The following CCNA2 variants were observed in gnomAD, a reference collection of about 807,000 sequenced individuals.
The protein encoded by CCNA2 is cyclin-A2.
A neutral mutation model predicts 49.4 loss-of-function variants in CCNA2; 3 were observed. The ratio of observed to expected loss-of-function variants is 0.06; its 90% CI spans 0.03 to 0.16. The LOEUF (loss-of-function observed/expected upper bound fraction) is 0.16, where lower values mean the gene tolerates loss of function less well. Ranked by LOEUF, CCNA2 falls within the 10% of genes least tolerant of loss-of-function variation. The pLI is 1.00. For synonymous variants in CCNA2, 206 were observed against 197.2 expected (o/e 1.04, Z -0.37); for missense variants, 372 against 519.7 (o/e 0.72, Z 2.76).
Position 121,820,510 on chromosome 4 carries a change from G to A in CCNA2, c.794+32C>T. ...ATTTCTTCCCTAGACAAAAGGTCGT[G>A]ATCACTTTTAAACAAACCAAGGTAG... On this transcript the variant is annotated intron_variant, in intron 4 of 7. Coordinates refer to ENST00000274026, the MANE Select transcript of CCNA2 (RefSeq NM_001237.5). The surrounding 1 kb of genome is among the most constrained non-coding windows in gnomAD (Gnocchi z 4.1). The A allele has an allele frequency of 6.7e-7, 1 of 1,491,818 alleles. No individual in the cohort carries two copies. The highest frequency in any genetic ancestry group is 9.2e-7 in the Non-Finnish European group (1 of 1,083,670). 92.4% of individuals were successfully genotyped at this position (1,491,818 alleles called of 1,614,324 possible).
intron 6 of CCNA2, 141 bp from the exon 7 acceptor site, chr4:121,818,318 TC>T: frequency 1.3e-6 from 1 of 753,822 alleles, no homozygotes; most frequent in Non-Finnish European, 2.2e-6. Flanking sequence ...AGGCCATTAT[TC>T]CATCCCTCGA....
At position 121,822,527 on chromosome 4, in the gene CCNA2, C is replaced by T. The variant is rs202158297; in HGVS notation, c.333G>A (p.Gln111=). ...TTTTTTGAGATTCAGCTGGCTTCTTCTGAGCTTCTTTTTCTGCTTCATCCA... is the reference window on the plus strand; with the variant it reads ...TTTTTTGAGATTCAGCTGGCTTCTTTTGAGCTTCTTTTTCTGCTTCATCCA... ...IHVDEAEKEA[Q]KKPAESQKIE... is the part of the protein sequence containing the mutation. Residue 111 remains glutamine (Q), a synonymous_variant, in exon 2 of 8, where the codon CAG becomes CAA. Coordinates refer to ENST00000274026, the MANE Select transcript of CCNA2 (RefSeq NM_001237.5). 5.0e-6 allele frequency: 8 copies of T among 1,614,128 alleles called. No individual in the cohort carries two copies. The Admixed American group carries it at 1.0e-4, about 20-fold the overall frequency.
Position 121,816,590 on chromosome 4 carries a change from T to C in CCNA2, c.*1048A>G. On this transcript the variant is annotated 3_prime_UTR_variant, in exon 8 of 8. Coordinates refer to ENST00000274026, the MANE Select transcript of CCNA2 (RefSeq NM_001237.5). ...CATTAGAGATCCATCTGTTCTGTGA[T>C]TTTTTTACCTTGTGATTTATAAAAA... 2.5e-6 allele frequency: 2 copies of C among 813,096 alleles called. No homozygotes were observed. The highest frequency in any genetic ancestry group is 3.7e-6 in the Non-Finnish European group (2 of 535,348). 50.4% of individuals were successfully genotyped at this position (813,096 alleles called of 1,614,324 possible).
Position 121,818,038 on chromosome 4 carries a change from TCTTA to T in CCNA2, c.1250+2_1250+5del, listed in dbSNP as rs1560631202. Reference sequence around the variant, plus strand: ...AGTAAGCTTCAATATCCAAGTTAATTCTTACTTTGAATTTTTGTACTTTTCTCTT... The same window carrying T: ...AGTAAGCTTCAATATCCAAGTTAATTCTTTGAATTTTTGTACTTTTCTCTT... On this transcript the variant is annotated splice_donor_variant and splice_donor_5th_base_variant and intron_variant, in intron 7 of 7. Transcript: ENST00000274026. LOFTEE classifies it high-confidence loss of function. The T allele has an allele frequency of 1.9e-6, 3 of 1,609,852 alleles. No individual in the cohort carries two copies. The highest frequency in any genetic ancestry group is 2.5e-6 in the Non-Finnish European group (3 of 1,178,100).
At position 121,822,419 on chromosome 4, in the gene CCNA2, T is replaced by C; in HGVS notation, c.441A>G (p.Pro147=). The C allele has an allele frequency of 6.2e-7, 1 of 1,614,054 alleles. No individual in the cohort carries two copies. Among genetic ancestry groups the C allele is most frequent in the Non-Finnish European group, 8.5e-7 (1 of 1,179,942 alleles). ...PRKPLVPLDY[P]MDGSFESPHT... ...AAAACTTACCAAAACTACCATCCAT[T>C]GGATAATCAAGAGGGACCAATGGTT... Residue 147 remains proline (P), a synonymous_variant, in exon 2 of 8, where the codon CCA becomes CCG. Transcript: ENST00000274026.
rs936913890 is a variant in CCNA2 at position 121,817,396 on chromosome 4, T to C, written c.*242A>G. ...AGTTTTCCAAATCAATTTATTATCC[T>C]GACAGCTGGCATCATTAATACTTTA... On this transcript the variant is annotated 3_prime_UTR_variant, in exon 8 of 8. Coordinates refer to ENST00000274026, the MANE Select transcript of CCNA2 (RefSeq NM_001237.5). The C allele has an allele frequency of 5.1e-6, 2 of 389,508 alleles. No homozygotes were observed. The highest frequency in any genetic ancestry group is 9.1e-6 in the Non-Finnish European group (2 of 220,778). 24.1% of individuals were successfully genotyped at this position (389,508 alleles called of 1,614,324 possible).
Position 121,816,888 on chromosome 4 carries a change from A to G in CCNA2, c.*750T>C. 1.3e-6 allele frequency: 2 copies of G among 1,485,546 alleles called. No individual in the cohort carries two copies. Among genetic ancestry groups the G allele is most frequent in the Non-Finnish European group, 1.8e-6 (2 of 1,107,874 alleles). The allele number at this position is 1,485,546 out of a possible 1,614,324, so 92.0% of individuals were successfully genotyped here. On this transcript the variant is annotated 3_prime_UTR_variant, in exon 8 of 8. Transcript: ENST00000274026. The stretch of plus-strand genomic sequence containing the variant: ...CAGTTGTATATCTGTATATATAACT[A>G]TTAAAAGGGATATTTATTCCATTCT...
chr4:121,817,950 A>G (rs554684545), intron 7 of CCNA2, 94 bp downstream of exon 7: 8 of 1,241,624 alleles, frequency 6.4e-6, no homozygotes, highest in Non-Finnish European at 9.1e-6. Context: ...CTTCTCAAGG[A>G]GGCTATGGCA....
intron 7 of CCNA2, 72 bp from the exon 8 acceptor site, chr4:121,817,758 G>GTTCCCAA (rs1724580958): frequency 6.3e-7 from 1 of 1,588,108 alleles, no homozygotes; most frequent in South Asian, 1.1e-5. Flanking sequence ...AATAATGTTT[G>GTTCCCAA]TACTCATGTA....
Position 121,822,599 on chromosome 4 carries a change from A to G in CCNA2, c.261T>C (p.Val87=). The G allele has an allele frequency of 6.2e-7, 1 of 1,614,136 alleles. No individual in the cohort carries two copies. The highest frequency in any genetic ancestry group is 1.1e-5 in the South Asian group (1 of 91,082). ...GTTTACTGTTTGCTTTCCAAGGAGG[A>G]ACGGTGACATGCTCATCATTTACAG... ...DLPVNDEHVT[V]PPWKANSKQP... is the part of the protein sequence containing the mutation. Residue 87 remains valine, a synonymous_variant, in exon 2 of 8, where the codon GTT becomes GTC. Coordinates refer to ENST00000274026, the MANE Select transcript of CCNA2 (RefSeq NM_001237.5).
Position 121,822,653 on chromosome 4 carries a change from A to C in CCNA2, c.214-7T>G. ...GATCCTTAAGGGGTGCAACCTAAAAAAAAATTAATAACTGGCTTTGAGCCT... is the reference window on the plus strand; with the variant it reads ...GATCCTTAAGGGGTGCAACCTAAAACAAAATTAATAACTGGCTTTGAGCCT... On this transcript the variant is annotated splice_polypyrimidine_tract_variant and splice_region_variant and intron_variant, in intron 1 of 7. Coordinates refer to ENST00000274026, the MANE Select transcript of CCNA2 (RefSeq NM_001237.5). The C allele has an allele frequency of 6.2e-7, 1 of 1,610,010 alleles. No homozygotes were observed. The highest frequency in any genetic ancestry group is 8.5e-7 in the Non-Finnish European group (1 of 1,178,278).
In CCNA2 at chr4:121,818,181, C is replaced by G. The variant is rs763064965; in HGVS notation, c.1117-4G>C. 1 of 1,610,912 alleles carries G rather than the reference C, an allele frequency of 6.2e-7. No homozygotes were observed. Among genetic ancestry groups the G allele is most frequent in the Non-Finnish European group, 8.5e-7 (1 of 1,179,044 alleles). On this transcript the variant is annotated splice_region_variant and splice_polypyrimidine_tract_variant and intron_variant, in intron 6 of 7. Coordinates refer to ENST00000274026, the MANE Select transcript of CCNA2 (RefSeq NM_001237.5). ...TCTTTCGTATTAATGATTCAGGCTA[C>G]AGAGAAGGGAATAGAGAACCCCTGA... is the stretch of plus-strand genomic sequence containing the variant.
At position 121,822,434 on chromosome 4, in the gene CCNA2, G is replaced by A. The variant is rs1724710459; in HGVS notation, c.426C>T (p.Val142=). 6.2e-7 allele frequency: 1 copy of A among 1,613,942 alleles called. No homozygotes were observed. The highest frequency in any genetic ancestry group is 8.5e-7 in the Non-Finnish European group (1 of 1,179,842). The change falls in exon 2 of 8, where the codon GTC becomes GTT. Residue 142 remains valine (V), a synonymous_variant. Coordinates refer to ENST00000274026, the MANE Select transcript of CCNA2 (RefSeq NM_001237.5). ...ISLPGPRKPL[V]PLDYPMDGSF... Reference sequence around the variant, plus strand: ...TACCATCCATTGGATAATCAAGAGGGACCAATGGTTTTCTGGGTCCAGGTA... The same window carrying A: ...TACCATCCATTGGATAATCAAGAGGAACCAATGGTTTTCTGGGTCCAGGTA...
Position 121,816,953 on chromosome 4 carries a change from A to C in CCNA2, c.*685T>G, listed in dbSNP as rs1046326969. The C allele has an allele frequency of 2.5e-6, 3 of 1,177,776 alleles. No individual in the cohort carries two copies. The highest frequency in any genetic ancestry group is 3.5e-5 in the Admixed American group (1 of 28,960). The allele number at this position is 1,177,776 out of a possible 1,614,324, so 73.0% of individuals were successfully genotyped here. A position where few individuals can be genotyped will look rare whatever the true frequency, so the allele number is the denominator to read the frequency against. On this transcript the variant is annotated 3_prime_UTR_variant, in exon 8 of 8. Coordinates refer to ENST00000274026, the MANE Select transcript of CCNA2 (RefSeq NM_001237.5). ...TTTTTTATTCACAAATCCATTATAA[A>C]ATCTAGCAGGATTTTAAAAATAGTT... is the stretch of plus-strand genomic sequence containing the variant.
In CCNA2 at chr4:121,820,909, T is replaced by C. The variant is rs1724676518; in HGVS notation, c.570+70A>G. 1.4e-6 allele frequency: 2 copies of C among 1,409,956 alleles called. No individual in the cohort carries two copies. The highest frequency in any genetic ancestry group is 2.0e-6 in the Non-Finnish European group (2 of 1,007,490). 87.3% of individuals were successfully genotyped at this position (1,409,956 alleles called of 1,614,324 possible). ...ATTCATTAGTTTAAAAATTTAAACA[T>C]TATCCTCTCAATTTCATTTAGCCAC... On this transcript the variant is annotated intron_variant, in intron 3 of 7. Coordinates refer to ENST00000274026, the MANE Select transcript of CCNA2 (RefSeq NM_001237.5). The surrounding 1 kb of genome is among the most constrained non-coding windows in gnomAD (Gnocchi z 4.1).
intron 1 of CCNA2, 104 bp from the exon 2 acceptor site, chr4:121,822,750 A>C: frequency 8.5e-7 from 1 of 1,182,436 alleles, no homozygotes; most frequent in South Asian, 1.5e-5. Flanking sequence ...TCAGGAATTA[A>C]ACTTTCTGGG....
At position 121,817,471 on chromosome 4, in the gene CCNA2, A is replaced by AAGAT. The variant is rs1453550628; in HGVS notation, c.*163_*166dup. On this transcript the variant is annotated 3_prime_UTR_variant, in exon 8 of 8. Coordinates refer to ENST00000274026, the MANE Select transcript of CCNA2 (RefSeq NM_001237.5). The stretch of plus-strand genomic sequence containing the variant: ...ATATCTAAGACAGATACATATACAA[A>AAGAT]AGATATACAAATTAAAACCATTTAA... 13 of 731,854 alleles carry AAGAT rather than the reference A, an allele frequency of 1.8e-5. No individual in the cohort carries two copies. The highest frequency in any genetic ancestry group is 7.1e-5 in the African/African-American group (4 of 56,238). The allele number at this position is 731,854 out of a possible 1,614,324, so 45.3% of individuals were successfully genotyped here. A position where few individuals can be genotyped will look rare whatever the true frequency, so the allele number is the denominator to read the frequency against.
intron 1 of CCNA2, 112 bp from the exon 2 acceptor site, chr4:121,822,758 G>A: frequency 9.0e-7 from 1 of 1,116,964 alleles, no homozygotes; most frequent in South Asian, 1.6e-5. Context: ...TAAACTTTCT[G>A]GGACAAAGAA....
Position 121,817,421 on chromosome 4 carries a change from A to T in CCNA2, c.*217T>A. The T allele has an allele frequency of 4.2e-6, 2 of 472,422 alleles. No individual in the cohort carries two copies. The highest frequency in any genetic ancestry group is 7.3e-6 in the Non-Finnish European group (2 of 275,354). 29.3% of individuals were successfully genotyped at this position (472,422 alleles called of 1,614,324 possible). A position where few individuals can be genotyped will look rare whatever the true frequency, so the allele number is the denominator to read the frequency against. On this transcript the variant is annotated 3_prime_UTR_variant, in exon 8 of 8. Coordinates refer to ENST00000274026, the MANE Select transcript of CCNA2 (RefSeq NM_001237.5). ...TGACAGCTGGCATCATTAATACTTT[A>T]ACAAAACCACTTAAAATTAGCCAAA...
Sources: allele counts gnomAD v4.1 joint callset, GRCh38; gene constraint gnomAD v4.1.1; non-coding constraint Gnocchi (gnomAD v3.1); transcripts MANE v1.5; gene names NCBI Gene and HGNC (gene_info 2026-07-23, HGNC 2026-07-21).